Variants in TNNI3K observed in about 807,000 individuals in gnomAD.
TNNI3K encodes the protein TNNI3 interacting kinase.
A neutral mutation model predicts 114.5 loss-of-function variants in TNNI3K; 140 were observed. That is an observed-to-expected ratio of 1.22 (90% confidence interval 1.07 to 1.41). TNNI3K has a LOEUF of 1.41. Among genes scored for constraint, TNNI3K ranks in the 40% most tolerant of loss-of-function variants. The pLI is 0.00. For missense variants in TNNI3K, 1,125 were observed against 1,007.6 expected (o/e 1.12, Z -1.58); for synonymous variants, 347 against 347.5 (o/e 1.00, Z 0.02).
At chr1:74,284,741 G>C (rs1457745451) in intron 5 of TNNI3K, among the ~76,000 whole-genome samples, 1 of 152,140 alleles carries the variant, frequency 6.6e-6, no homozygotes, top group Non-Finnish European at 1.5e-5. Context: ...ACATTTTTTT[G>C]TGTGAAAAAT....
intron 23 of TNNI3K, among the ~76,000 whole-genome samples, chr1:74,528,872 G>A (rs1646542927): frequency 6.6e-6 from 1 of 152,126 alleles, no homozygotes; most frequent in African/African-American, 2.4e-5. Context: ...TTGAAGAAAT[G>A]ACAGACTTTA....
chr1:74,518,047 G>A (rs1203777915), intron 23 of TNNI3K, among the ~76,000 whole-genome samples: 3 of 152,302 alleles, frequency 2.0e-5, no homozygotes, highest in Non-Finnish European at 2.9e-5. Flanking sequence ...CGCCAGAATA[G>A]CACTTTTAGG....
intron 4 of TNNI3K, among the ~76,000 whole-genome samples, chr1:74,263,226 T>C (rs1205178130): frequency 2.0e-5 from 3 of 152,090 alleles, no homozygotes; most frequent in Non-Finnish European, 4.4e-5. Flanking sequence ...TCATAAATTA[T>C]GTGAAGTTTC....
intron 17 of TNNI3K, among the ~76,000 whole-genome samples, chr1:74,393,634 T>C (rs1427495780): frequency 2.0e-5 from 3 of 152,198 alleles, no homozygotes; most frequent in Admixed American, 2.0e-4. Flanking sequence ...TGACTTTTTT[T>C]GGAATAGTAT....
At chr1:74,493,617 T>C (rs1669184234) in intron 23 of TNNI3K, among the ~76,000 whole-genome samples, 1 of 152,210 alleles carries the variant, frequency 6.6e-6, no homozygotes, top group South Asian at 2.1e-4. Flanking sequence ...CATAATCATT[T>C]ATTTCTTGCT....
chr1:74,304,506 A>G lies in TNNI3K; in HGVS notation c.445-26944A>G, dbSNP rs180997673. 2.0e-3 allele frequency among the ~76,000 whole-genome samples: 310 copies of G among 152,274 alleles called. 1 individual carries two copies. Among genetic ancestry groups the G allele is most frequent in the Middle Eastern group, 0.01 (3 of 294 alleles). Reference sequence around the variant, plus strand: ...CACCCAGGCTGGAGTGCAGTGGCACAATCATGGCTCACCGTAATCTTGAAC... The same window carrying G: ...CACCCAGGCTGGAGTGCAGTGGCACGATCATGGCTCACCGTAATCTTGAAC... On this transcript the variant is annotated intron_variant, in intron 5 of 24. Transcript: ENST00000326637.
At chr1:74,278,189 A>C (rs1439859738) in intron 5 of TNNI3K, among the ~76,000 whole-genome samples, 1 of 152,138 alleles carries the variant, frequency 6.6e-6, no homozygotes, top group Non-Finnish European at 1.5e-5. Context: ...TTTTTACCTA[A>C]ACAGTAGCAA....
chr1:74,295,786 T>G (rs1657942159), intron 5 of TNNI3K, among the ~76,000 whole-genome samples: 1 of 152,210 alleles, frequency 6.6e-6, no homozygotes, highest in African/African-American at 2.4e-5. Flanking sequence ...ATTTTAAAAT[T>G]TGAGACTAAT....
At chr1:74,341,101 A>G (rs1660726739) in intron 7 of TNNI3K, among the ~76,000 whole-genome samples, 1 of 152,192 alleles carries the variant, frequency 6.6e-6, no homozygotes, top group African/African-American at 2.4e-5. Context: ...TAATCAAACA[A>G]TAAAACAAAT....
rs543650084 is a variant in TNNI3K at position 74,330,325 on chromosome 1, G to A, written c.445-1125G>A. On this transcript the variant is annotated intron_variant, in intron 5 of 24. Transcript: ENST00000326637. ...TCTGTCTTCTCTACCAGAAAGGATAGAAGTTAATCACAAGAGATAACTCTA... is the reference window on the plus strand; with the variant it reads ...TCTGTCTTCTCTACCAGAAAGGATAAAAGTTAATCACAAGAGATAACTCTA... Among the ~76,000 whole-genome samples, 62 of 152,154 alleles carry A rather than the reference G, an allele frequency of 4.1e-4. 1 individual carries two copies. Among genetic ancestry groups the A allele is most frequent in the South Asian group, 1.0e-3 (5 of 4,830 alleles).
intron 5 of TNNI3K, among the ~76,000 whole-genome samples, chr1:74,325,196 T>G (rs1034312848): frequency 6.6e-6 from 1 of 152,196 alleles, no homozygotes; most frequent in African/African-American, 2.4e-5. Flanking sequence ...ACCCACAGAC[T>G]GTGTTTGCTC....
At chr1:74,406,812 G>A (rs1287848349) in intron 17 of TNNI3K, among the ~76,000 whole-genome samples, 1 of 152,160 alleles carries the variant, frequency 6.6e-6, no homozygotes, top group East Asian at 1.9e-4. Flanking sequence ...AAGTGTGAAT[G>A]GCCTATGCCA....
At chr1:74,445,083 A>G (rs1666574868) in intron 20 of TNNI3K, among the ~76,000 whole-genome samples, 1 of 152,210 alleles carries the variant, frequency 6.6e-6, no homozygotes, top group Admixed American at 6.5e-5. Context: ...TAAAAACCCT[A>G]GAAGAAAATC....
chr1:74,405,606 A>G (rs1349806076), intron 17 of TNNI3K, among the ~76,000 whole-genome samples: 1 of 152,202 alleles, frequency 6.6e-6, no homozygotes, highest in Non-Finnish European at 1.5e-5. Context: ...ACCAAGGATT[A>G]TCTCACTGTC....
chr1:74,246,915 A>G (rs1654598351), intron 2 of TNNI3K, among the ~76,000 whole-genome samples: 1 of 152,238 alleles, frequency 6.6e-6, no homozygotes, highest in Admixed American at 6.5e-5. Context: ...TTCAAATCCT[A>G]TCATGACTCT....
At chr1:74,396,616 G>A (rs530179170) in intron 17 of TNNI3K, among the ~76,000 whole-genome samples, 4 of 152,314 alleles carry the variant, frequency 2.6e-5, no homozygotes, top group African/African-American at 9.6e-5. Context: ...CCCGGGCAAG[G>A]AGTCCTGCCA....
chr1:74,311,762 C>T (rs941839067), intron 5 of TNNI3K, among the ~76,000 whole-genome samples: 23 of 152,016 alleles, frequency 1.5e-4, no homozygotes, highest in Non-Finnish European at 3.1e-4. Flanking sequence ...TGAGTCTCTC[C>T]TCTGAATACT....
At chr1:74,369,166 A>C (rs767813250) in intron 14 of TNNI3K, 41 bp from the exon 15 acceptor site, 4 of 1,601,834 alleles carry the variant, frequency 2.5e-6, no homozygotes, top group East Asian at 4.5e-5. Flanking sequence ...GAATGAGCTT[A>C]AGTTAATATG....
At chr1:74,236,065 C>G (rs1355425273) in intron 1 of TNNI3K, 37 bp from the exon 2 acceptor site, 2 of 1,568,990 alleles carry the variant, frequency 1.3e-6, no homozygotes, top group East Asian at 2.3e-5. Flanking sequence ...TTGCAAAACA[C>G]AACTATGAAT....
Sources: allele counts gnomAD v4.1 joint callset (sites outside exome capture counted in the v4.1 genomes callset), GRCh38; gene constraint gnomAD v4.1.1; transcripts MANE v1.5; gene names NCBI Gene and HGNC (gene_info 2026-07-23, HGNC 2026-07-21).